CXCL13: variants seen among roughly 807,000 people sequenced by gnomAD.
The protein encoded by CXCL13 is C-X-C motif chemokine ligand 13.
In CXCL13, 7 loss-of-function variants were observed where a neutral mutation model predicts 12.2. That is an observed-to-expected ratio of 0.57 (90% CI 0.33 to 1.07). The LOEUF (loss-of-function observed/expected upper bound fraction) is 1.07. Among genes scored for constraint, CXCL13 ranks in the 50% least tolerant of loss-of-function variants. The probability of loss-of-function intolerance (pLI) is 0.04; values close to 1 mark genes in which losing one functional copy is unlikely to be tolerated. For missense variants in CXCL13, 113 were observed against 127.4 expected, an observed-to-expected ratio of 0.89 and a Z score of 0.55; for synonymous variants, 47 against 42.4, an observed-to-expected ratio of 1.11 and a Z score of -0.42.
chr4:77,584,786 C>T (rs568908328), intron 1 of CXCL13, among the ~76,000 whole-genome samples: 208 of 152,234 alleles, frequency 1.4e-3, no homozygotes, highest in African/African-American at 4.7e-3. Context: ...GCCCCTCAGG[C>T]GAGTGCTGGG....
At chr4:77,565,246 A>ACCATTG (rs1161472137) in intron 1 of CXCL13, among the ~76,000 whole-genome samples, 1 of 152,166 alleles carries the variant, frequency 6.6e-6, no homozygotes, top group East Asian at 1.9e-4. Context: ...CACTATAAAA[A>ACCATTG]CCATTGCTCT....
intron 1 of CXCL13, among the ~76,000 whole-genome samples, chr4:77,540,950 G>T (rs1725192650): frequency 6.6e-6 from 1 of 152,084 alleles, no homozygotes; most frequent in African/African-American, 2.4e-5. Flanking sequence ...CAGCCATTCT[G>T]ACTGGTGTGA....
intron 1 of CXCL13, among the ~76,000 whole-genome samples, chr4:77,585,741 T>G (rs930640259): frequency 8.5e-5 from 13 of 152,340 alleles, no homozygotes; most frequent in African/African-American, 2.9e-4. Context: ...GTAAAACACC[T>G]GGTTATCTAT....
chr4:77,547,866 G>T (rs1363174677), intron 1 of CXCL13, among the ~76,000 whole-genome samples: 1 of 152,158 alleles, frequency 6.6e-6, no homozygotes, highest in Non-Finnish European at 1.5e-5. Flanking sequence ...TGCAGTGGCT[G>T]GTACAGGTTT....
intron 1 of CXCL13, among the ~76,000 whole-genome samples, chr4:77,563,849 A>C (rs896557090): frequency 6.6e-6 from 1 of 152,220 alleles, no homozygotes; most frequent in Non-Finnish European, 1.5e-5. Flanking sequence ...TGGGACATAC[A>C]TACTTTCTAT....
Position 77,569,802 on chromosome 4 carries a change from A to C in CXCL13, c.-42-36022A>C, listed in dbSNP as rs140645073. Among the ~76,000 whole-genome samples the C allele has an allele frequency of 6.8e-3, 1,030 of 152,368 alleles. 9 individuals are homozygous for C. Among genetic ancestry groups the C allele is most frequent in the Middle Eastern group, 0.054 (16 of 294 alleles). The stretch of plus-strand genomic sequence containing the variant: ...AAAATTCATATGGAACCAAAAAAAG[A>C]GTCCAAATAGCCAAGGCAATCCTAA... On this transcript the variant is annotated intron_variant, in intron 1 of 4. Coordinates refer to the CXCL13 transcript ENST00000286758.
In CXCL13 at chr4:77,543,543, C is replaced by T. The variant is rs1578045714; in HGVS notation, c.-43+31755C>T. Reference sequence around the variant, plus strand: ...GCTTTTGCTGTATCCCAGAGATTTTCATTGTGTCTCTGTCCATCTTTATTT... The same window carrying T: ...GCTTTTGCTGTATCCCAGAGATTTTTATTGTGTCTCTGTCCATCTTTATTT... On this transcript the variant is annotated intron_variant, in intron 1 of 4. Transcript: ENST00000286758. Among the ~76,000 whole-genome samples the T allele has an allele frequency of 2.0e-5, 3 of 152,154 alleles. No homozygotes were observed. The East Asian group carries it at 5.8e-4, about 29-fold the overall frequency.
chr4:77,564,661 A>G lies in CXCL13; in HGVS notation c.-42-41163A>G, dbSNP rs77304102. 3.7e-3 allele frequency among the ~76,000 whole-genome samples: 568 copies of G among 152,336 alleles called. 14 individuals carry two copies. The East Asian group carries it at 0.067, about 18-fold the overall frequency. On this transcript the variant is annotated intron_variant, in intron 1 of 4. Transcript: ENST00000286758. ...GAAAGCTAGGACAAAATAAGATTAA[A>G]TCATTGCCCAGGGCACCTAGCAAGT...
At chr4:77,529,393 G>T (rs1283423478) in intron 1 of CXCL13, among the ~76,000 whole-genome samples, 2 of 152,050 alleles carry the variant, frequency 1.3e-5, no homozygotes, top group Non-Finnish European at 1.5e-5. Context: ...TCACAATATT[G>T]GTTCTTCCTA....
At chr4:77,573,005 G>A (rs1726124517) in intron 1 of CXCL13, among the ~76,000 whole-genome samples, 1 of 151,846 alleles carries the variant, frequency 6.6e-6, no homozygotes, top group Non-Finnish European at 1.5e-5. Flanking sequence ...AATACCACAT[G>A]TTCTCACTTA....
chr4:77,547,675 G>A (rs1436370861), intron 1 of CXCL13, among the ~76,000 whole-genome samples: 1 of 152,118 alleles, frequency 6.6e-6, no homozygotes, highest in Non-Finnish European at 1.5e-5. Flanking sequence ...GATGGGTCTT[G>A]ACTCTTTATC....
intron 1 of CXCL13, among the ~76,000 whole-genome samples, chr4:77,595,390 A>G (rs914302848): frequency 1.3e-5 from 2 of 152,196 alleles, no homozygotes; most frequent in Non-Finnish European, 2.9e-5. Flanking sequence ...TTTCGGTACC[A>G]CAGACCACAT....
At chr4:77,603,115 A>G (rs538865904), upstream of CXCL13, among the ~76,000 whole-genome samples, 203 of 152,320 alleles carry the variant, frequency 1.3e-3, no homozygotes, top group African/African-American at 4.6e-3. Flanking sequence ...GCTCTCTTTC[A>G]GGTAACTTTG....
chr4:77,558,555 G>A (rs541476981), intron 1 of CXCL13, among the ~76,000 whole-genome samples: 1 of 152,192 alleles, frequency 6.6e-6, no homozygotes, highest in Non-Finnish European at 1.5e-5. Context: ...GTTTCACCAT[G>A]TTGGCCAGGC....
chr4:77,610,912 G>T (rs997310003), intron 3 of CXCL13, 76 bp from the exon 4 acceptor site: 1 of 1,325,192 alleles, frequency 7.5e-7, no homozygotes. Flanking sequence ...GTCCTTGCCC[G>T]GTATCTCCAG....
rs183765876 is a variant in CXCL13 at position 77,523,244 on chromosome 4, G to T, written c.-43+11456G>T. On this transcript the variant is annotated intron_variant, in intron 1 of 4. Coordinates refer to the CXCL13 transcript ENST00000286758. ...GGTGTTGTCTGTATTTCAGGAATTT[G>T]AATGTTGGCCTGCCTTGCTATGTTG... Among the ~76,000 whole-genome samples, 315 of 152,232 alleles carry T rather than the reference G, an allele frequency of 2.1e-3. 2 individuals are homozygous for T. The highest frequency in any genetic ancestry group is 3.2e-3 in the Non-Finnish European group (219 of 68,018).
intron 2 of CXCL13, 38 bp from the exon 3 acceptor site, chr4:77,610,576 A>C (rs1415263247): frequency 2.8e-6 from 4 of 1,444,964 alleles, no homozygotes; most frequent in Non-Finnish European, 3.9e-6. Flanking sequence ...ATTGACTAAA[A>C]TGTAAGACTG....
At chr4:77,591,513 T>G (rs188164649) in intron 1 of CXCL13, among the ~76,000 whole-genome samples, 221 of 134,944 alleles carry the variant, frequency 1.6e-3, no homozygotes, top group African/African-American at 6.0e-3. Context: ...ATCACGCCAC[T>G]GCACTCCAGT....
intron 1 of CXCL13, among the ~76,000 whole-genome samples, chr4:77,599,751 A>G (rs1446868118): frequency 6.6e-6 from 1 of 152,232 alleles, no homozygotes; most frequent in African/African-American, 2.4e-5. Context: ...GCAGCACAGC[A>G]AAGACACAAA....
Sources: allele counts gnomAD v4.1 joint callset (sites outside exome capture counted in the v4.1 genomes callset), GRCh38; gene constraint gnomAD v4.1.1; transcripts MANE v1.5; gene names NCBI Gene and HGNC (gene_info 2026-07-23, HGNC 2026-07-21).